The following GSE1 variants were observed in gnomAD, a reference collection of about 807,000 sequenced individuals.
GSE1 encodes the protein genetic suppressor element 1.
In GSE1, 32 loss-of-function variants were observed where a neutral mutation model predicts 112.6. The ratio of observed to expected loss-of-function variants is 0.28; its 90% CI spans 0.21 to 0.38. GSE1 has a LOEUF of 0.38. Ranked by LOEUF, GSE1 falls within the 10% of genes least tolerant of loss-of-function variation. The pLI is 1.00. For missense variants in GSE1, 2,348 were observed against 1,699.2 expected (o/e 1.38, Z -6.71); for synonymous variants, 1,115 against 735.6 (o/e 1.52, Z -8.35).
intron 15 of GSE1, 38 bp from the exon 16 acceptor site, chr16:85,672,366 GA>G: frequency 6.5e-7 from 1 of 1,544,890 alleles, no homozygotes. Flanking sequence ...CCTTACAGAG[GA>G]AACGGGTTGG....
intron 2 of GSE1, among the ~76,000 whole-genome samples, chr16:85,453,282 C>T (rs1176254678): frequency 6.6e-6 from 1 of 152,136 alleles, no homozygotes; most frequent in African/African-American, 2.4e-5. Context: ...GAGCAGCCCG[C>T]CCACCCTCCT....
intron 1 of GSE1, chr16:85,593,239 T>C (rs1286586522): frequency 6.6e-6 from 1 of 152,198 alleles, no homozygotes; most frequent in African/African-American, 2.4e-5. Flanking sequence ...GGGCCAGCTC[T>C]CACTGTGGGG....
intron 2 of GSE1, among the ~76,000 whole-genome samples, chr16:85,523,877 C>T (rs543529265): frequency 2.0e-4 from 31 of 152,302 alleles, no homozygotes; most frequent in African/African-American, 7.0e-4. Context: ...CTGCGGGAGG[C>T]GGGGTCAACA....
At chr16:85,174,037 C>T (rs2074412231) in intron 1 of GSE1, among the ~76,000 whole-genome samples, 1 of 152,204 alleles carries the variant, frequency 6.6e-6, no homozygotes, top group South Asian at 2.1e-4. Context: ...GAACCTGCTT[C>T]TGCTCCCTAC....
intron 1 of GSE1, among the ~76,000 whole-genome samples, chr16:85,275,177 C>T (rs1029914923): frequency 2.6e-5 from 4 of 152,148 alleles, no homozygotes; most frequent in African/African-American, 9.7e-5. Context: ...TCTCCCTGGA[C>T]CACGTGGCCT....
In GSE1 at chr16:85,280,915, G is replaced by A. The variant is rs142461840; in HGVS notation, c.2284-76548G>A. 7.5e-4 allele frequency among the ~76,000 whole-genome samples: 114 copies of A among 152,250 alleles called. 1 individual carries two copies. The highest frequency in any genetic ancestry group is 2.6e-3 in the African/African-American group (107 of 41,558). Reference sequence around the variant, plus strand: ...CAAGGAGAGGGTCCCGTGGGTCCTCGGGCTGAATTGGAACCAGGTCCTGGC... The same window carrying A: ...CAAGGAGAGGGTCCCGTGGGTCCTCAGGCTGAATTGGAACCAGGTCCTGGC... On this transcript the variant is annotated intron_variant, in intron 1 of 2. Coordinates refer to the GSE1 transcript ENST00000637419.
intron 2 of GSE1, among the ~76,000 whole-genome samples, chr16:85,643,304 G>A (rs1052004637): frequency 1.3e-5 from 2 of 152,106 alleles, no homozygotes; most frequent in African/African-American, 4.8e-5. Flanking sequence ...GCCACGCGGT[G>A]AGAATGAGGG....
At chr16:85,561,868 A>G (rs574141406) in intron 1 of GSE1, among the ~76,000 whole-genome samples, 1 of 152,318 alleles carries the variant, frequency 6.6e-6, no homozygotes, top group South Asian at 2.1e-4. Context: ...AACTGCTTCC[A>G]GAAAGTCAAG....
At chr16:85,215,703 C>T (rs2075296943) in intron 1 of GSE1, among the ~76,000 whole-genome samples, 1 of 152,224 alleles carries the variant, frequency 6.6e-6, no homozygotes, top group South Asian at 2.1e-4. Flanking sequence ...CGCACTGTTC[C>T]AGCACTTGGG....
At chr16:85,186,555 A>T (rs916413939) in intron 1 of GSE1, among the ~76,000 whole-genome samples, 26 of 151,594 alleles carry the variant, frequency 1.7e-4, no homozygotes, top group African/African-American at 5.8e-4. Context: ...GTGAGCCGAG[A>T]TCGTGCCACT....
At chr16:85,243,291 G>T (rs1905305324) in intron 1 of GSE1, among the ~76,000 whole-genome samples, 1 of 152,250 alleles carries the variant, frequency 6.6e-6, no homozygotes, top group Non-Finnish European at 1.5e-5. Context: ...TACAGTCAAG[G>T]TGCCAGTGGA....
At chr16:85,668,648 C>G (rs1397126700) in intron 14 of GSE1, among the ~76,000 whole-genome samples, 1 of 152,180 alleles carries the variant, frequency 6.6e-6, no homozygotes, top group Non-Finnish European at 1.5e-5. Context: ...TACCATGATG[C>G]CAGCTCTGGT....
chr16:85,269,998 A>G (rs939180058), intron 1 of GSE1, among the ~76,000 whole-genome samples: 2 of 149,348 alleles, frequency 1.3e-5, no homozygotes, highest in African/African-American at 4.8e-5. Context: ...AAGGTGAGTG[A>G]TGTGCCTGAG....
rs368737084 is a variant in GSE1, at chr16:85,374,822, C to T, written c.2464+17179C>T. Among the ~76,000 whole-genome samples, 43 of 152,260 alleles carry T rather than the reference C, an allele frequency of 2.8e-4. 1 individual carries two copies. In the East Asian group the frequency reaches 3.1e-3, roughly 11 times the overall value. ...GGGCTGCCTTCTGCCTCACTGAGGA[C>T]GGACAGCCCCCATCCTCTGTGGGGT... On this transcript the variant is annotated intron_variant, in intron 2 of 2. Transcript: ENST00000637419.
At chr16:85,384,114 C>G (rs1442004539) in intron 2 of GSE1, among the ~76,000 whole-genome samples, 1 of 152,130 alleles carries the variant, frequency 6.6e-6, no homozygotes, top group African/African-American at 2.4e-5. Flanking sequence ...TTGCTATGCA[C>G]AATCAATGCC....
chr16:85,436,899 G>T (rs971675955), intron 2 of GSE1, among the ~76,000 whole-genome samples: 1 of 152,230 alleles, frequency 6.6e-6, no homozygotes, highest in Non-Finnish European at 1.5e-5. Flanking sequence ...CTGTGGGGGC[G>T]GGCTGGAGGC....
chr16:85,348,409 G>C (rs1310928455), intron 1 of GSE1, among the ~76,000 whole-genome samples: 1 of 152,182 alleles, frequency 6.6e-6, no homozygotes, highest in Non-Finnish European at 1.5e-5. Flanking sequence ...CCTTTGCGGA[G>C]GAGGAAGCTG....
intron 1 of GSE1, among the ~76,000 whole-genome samples, chr16:85,591,040 G>A (rs958727880): frequency 2.0e-5 from 3 of 152,188 alleles, no homozygotes; most frequent in Admixed American, 6.5e-5. Context: ...GTGTCCCGAG[G>A]GCCACCCTGC....
chr16:85,509,767 A>T (rs2051670128), intron 2 of GSE1, among the ~76,000 whole-genome samples: 1 of 152,204 alleles, frequency 6.6e-6, no homozygotes, highest in Non-Finnish European at 1.5e-5. Flanking sequence ...CATGAGCCAC[A>T]TTCGTGAGGG....
Sources: allele counts gnomAD v4.1 joint callset (sites outside exome capture counted in the v4.1 genomes callset), GRCh38; gene constraint gnomAD v4.1.1; transcripts MANE v1.5; gene names NCBI Gene and HGNC (gene_info 2026-07-23, HGNC 2026-07-21).